Variants in ACTR5 observed in about 807,000 individuals in gnomAD.
The protein encoded by ACTR5 is actin-related protein 5.
A neutral mutation model predicts 61.2 loss-of-function variants in ACTR5; 43 were observed. The observed-to-expected ratio is 0.70, with a 90% CI of 0.55 to 0.91. ACTR5 has a LOEUF of 0.91. ACTR5 is among the 40% of genes least tolerant of loss of function. ACTR5 has a pLI of 0.00. For synonymous variants in ACTR5, 333 were observed against 310.5 expected, an observed-to-expected ratio of 1.07 and a Z score of -0.76; for missense variants, 798 against 782.2, an observed-to-expected ratio of 1.02 and a Z score of -0.24.
intron 3 of ACTR5, among the ~76,000 whole-genome samples, chr20:38,753,039 T>C (rs1468188025): frequency 6.6e-6 from 1 of 152,190 alleles, no homozygotes; most frequent in Non-Finnish European, 1.5e-5. Context: ...TTATTAAACA[T>C]CTGTTATTCC....
chr20:38,766,374 A>T lies in ACTR5; in HGVS notation c.1430A>T (p.Asp477Val), dbSNP rs2084486688. 6.3e-7 allele frequency: 1 copy of T among 1,577,462 alleles called. No homozygotes were observed. The highest frequency in any genetic ancestry group is 2.3e-5 in the East Asian group (1 of 44,216). The change falls in exon 7 of 9, where the codon GAC (aspartate) becomes GTC (valine). Residue 477 changes from aspartate (D) to valine (V), a missense_variant. Coordinates refer to ENST00000243903, the MANE Select transcript of ACTR5 (RefSeq NM_024855.4). ...GCAGAGACTCTTCAGTACATTCTGG[A>T]CAGGTGAGACAGCGAATCTGCTTTT... ...GIAETLQYILDRYPKDIQEML... is the reference protein window; with the variant it reads ...GIAETLQYILVRYPKDIQEML...
intron 8 of ACTR5, among the ~76,000 whole-genome samples, chr20:38,770,235 C>T (rs2084512085): frequency 6.6e-6 from 1 of 152,120 alleles, no homozygotes; most frequent in African/African-American, 2.4e-5. Context: ...ATACCAACCA[C>T]CTAAGGCCCT....
intron 5 of ACTR5, among the ~76,000 whole-genome samples, chr20:38,763,868 T>A (rs568925211): frequency 1.3e-5 from 2 of 152,302 alleles, no homozygotes; most frequent in East Asian, 3.8e-4. Context: ...CTCCTCAGAT[T>A]ACCTCTATAA....
rs1462477135 is a variant in ACTR5 at position 38,764,437 on chromosome 20, A to G, written c.1177-965A>G. On this transcript the variant is annotated intron_variant, in intron 5 of 8. Transcript: ENST00000243903. Reference sequence around the variant, plus strand: ...AAAGATGTCTTTCAGAACCACCACCATCCCCAACTTATTTTGTACAGTTTA... The same window carrying G: ...AAAGATGTCTTTCAGAACCACCACCGTCCCCAACTTATTTTGTACAGTTTA... 4.6e-5 allele frequency among the ~76,000 whole-genome samples: 7 copies of G among 152,196 alleles called. 1 individual carries two copies. The highest frequency in any genetic ancestry group is 4.6e-4 in the Admixed American group (7 of 15,278).
At chr20:38,757,147 G>A (rs1882363050) in intron 5 of ACTR5, among the ~76,000 whole-genome samples, 1 of 152,076 alleles carries the variant, frequency 6.6e-6, no homozygotes, top group Non-Finnish European at 1.5e-5. Context: ...GGCTGGTCTC[G>A]AACTCCTGGC....
rs186456896 is a variant in ACTR5, at chr20:38,770,581, A to G, written c.1567-978A>G. On this transcript the variant is annotated intron_variant, in intron 8 of 8. Transcript: ENST00000243903. ...CATCCTTTTTATGGCTGTATAGTCTATTAACCATATGTCTTGCTGCATTTT... is the reference window on the plus strand; with the variant it reads ...CATCCTTTTTATGGCTGTATAGTCTGTTAACCATATGTCTTGCTGCATTTT... 4.3e-3 allele frequency among the ~76,000 whole-genome samples: 654 copies of G among 152,310 alleles called. 6 individuals are homozygous for G. Among genetic ancestry groups the G allele is most frequent in the African/African-American group, 0.015 (632 of 41,564 alleles).
chr20:38,752,277 A>G lies in ACTR5; in HGVS notation c.752A>G (p.Tyr251Cys). Residue 251 changes from tyrosine to cysteine, a missense_variant, in exon 3 of 9, where the codon TAC (tyrosine) becomes TGC (cysteine). Physicochemically the swap from Tyr to Cys is radical, Grantham distance 194 (BLOSUM62 -2). Transcript: ENST00000243903. ...RMEEILHEHS[Y>C]IAEDYVEELH... is the part of the protein sequence containing the mutation. ...GAGGAGATTCTGCATGAGCACAGCT[A>G]CATCGCTGAGGATTATGTGGAAGGT... The G allele has an allele frequency of 1.2e-6, 2 of 1,612,282 alleles. No homozygotes were observed. Among genetic ancestry groups the G allele is most frequent in the South Asian group, 1.1e-5 (1 of 91,018 alleles).
At chr20:38,767,929 A>G (rs2084497990) in intron 8 of ACTR5, among the ~76,000 whole-genome samples, 1 of 152,194 alleles carries the variant, frequency 6.6e-6, no homozygotes, top group Admixed American at 6.5e-5. Flanking sequence ...AAGGACTAGC[A>G]TGAGCAAGGG....
At chr20:38,762,224 G>A (rs1240444103) in intron 5 of ACTR5, among the ~76,000 whole-genome samples, 1 of 152,178 alleles carries the variant, frequency 6.6e-6, no homozygotes, top group African/African-American at 2.4e-5. Context: ...CTGGGTTCAT[G>A]GGGGACTCTT....
chr20:38,753,596 G>C (rs1284467286), intron 3 of ACTR5, among the ~76,000 whole-genome samples: 2 of 152,150 alleles, frequency 1.3e-5, no homozygotes, highest in African/African-American at 2.4e-5. Context: ...AGAGTAAATA[G>C]ATTGCTGGGT....
chr20:38,757,819 A>C (rs1359159556), intron 5 of ACTR5, among the ~76,000 whole-genome samples: 1 of 149,580 alleles, frequency 6.7e-6, no homozygotes, highest in Non-Finnish European at 1.5e-5. Flanking sequence ...TTGGATCACC[A>C]AGATCTTGTG....
At chr20:38,757,951 G>A (rs945584000) in intron 5 of ACTR5, among the ~76,000 whole-genome samples, 1 of 151,578 alleles carries the variant, frequency 6.6e-6, no homozygotes, top group Non-Finnish European at 1.5e-5. Flanking sequence ...TTGAGTTGTT[G>A]TTTACTGAAA....
At chr20:38,749,702 G>T (rs1486522903) in intron 1 of ACTR5, among the ~76,000 whole-genome samples, 1 of 152,238 alleles carries the variant, frequency 6.6e-6, no homozygotes, top group Non-Finnish European at 1.5e-5. Flanking sequence ...AGGGATGATG[G>T]TGGCTTAGAT....
chr20:38,754,437 G>A lies in ACTR5; in HGVS notation c.776-520G>A, dbSNP rs141381928. The stretch of plus-strand genomic sequence containing the variant: ...TGACTTTAAAAAAAACAATGGAGTC[G>A]GCCGGGCATGGGGGCTCATAGCTGT... On this transcript the variant is annotated intron_variant, in intron 3 of 8. Coordinates refer to ENST00000243903, the MANE Select transcript of ACTR5 (RefSeq NM_024855.4). Among the ~76,000 whole-genome samples the A allele has an allele frequency of 4.9e-3, 752 of 152,090 alleles. 5 individuals carry two copies. The highest frequency in any genetic ancestry group is 7.9e-3 in the Non-Finnish European group (536 of 67,966).
At chr20:38,758,425 T>C (rs2084433209) in intron 5 of ACTR5, among the ~76,000 whole-genome samples, 1 of 152,156 alleles carries the variant, frequency 6.6e-6, no homozygotes, top group Non-Finnish European at 1.5e-5. Context: ...GGTGGGTGGA[T>C]CACCTGAGGT....
intron 5 of ACTR5, among the ~76,000 whole-genome samples, chr20:38,759,239 G>C (rs1408462645): frequency 6.6e-6 from 1 of 152,186 alleles, no homozygotes; most frequent in Non-Finnish European, 1.5e-5. Flanking sequence ...GCCGCTCAAG[G>C]CTGTTTTAGG....
chr20:38,769,019 T>C (rs933372132), intron 8 of ACTR5, among the ~76,000 whole-genome samples: 1 of 152,200 alleles, frequency 6.6e-6, no homozygotes, highest in Non-Finnish European at 1.5e-5. Flanking sequence ...CTCACTCCAC[T>C]CACCAGGATT....
At chr20:38,749,041 C>A (rs538006295) in intron 1 of ACTR5, among the ~76,000 whole-genome samples, 188 bp downstream of exon 1, 2 of 152,124 alleles carry the variant, frequency 1.3e-5, no homozygotes, top group Non-Finnish European at 2.9e-5. Flanking sequence ...TGGAGCATAC[C>A]TTTGGGCATA....
chr20:38,763,988 T>A (rs73104015), intron 5 of ACTR5, among the ~76,000 whole-genome samples: 1,902 of 152,332 alleles, frequency 0.012, 26 homozygotes, highest in East Asian at 0.075. Flanking sequence ...TAGAATCATC[T>A]ATACTGAACA....
Sources: allele counts gnomAD v4.1 joint callset (sites outside exome capture counted in the v4.1 genomes callset), GRCh38; gene constraint gnomAD v4.1.1; transcripts MANE v1.5; gene names NCBI Gene and HGNC (gene_info 2026-07-23, HGNC 2026-07-21).